The following EIPR1 variants were observed in gnomAD, a reference collection of about 807,000 sequenced individuals.
EIPR1 encodes the protein EARP and GARP complex-interacting protein 1.
A neutral mutation model predicts 48.1 loss-of-function variants in EIPR1; 25 were observed. The observed-to-expected ratio is 0.52, with a 90% confidence interval of 0.38 to 0.73. The LOEUF (loss-of-function observed/expected upper bound fraction) is 0.73, where lower values mean the gene tolerates loss of function less well. EIPR1 is among the 30% of genes least tolerant of loss of function. The pLI, the probability that EIPR1 is intolerant of heterozygous loss-of-function variation, is 0.00. For synonymous variants in EIPR1, 204 were observed against 201.9 expected, an observed-to-expected ratio of 1.01 and a Z score of -0.09; for missense variants, 415 against 506.2, an observed-to-expected ratio of 0.82 and a Z score of 1.73.
At chr2:3,349,916 G>A (rs1013657469) in intron 2 of EIPR1, among the ~76,000 whole-genome samples, 2 of 152,130 alleles carry the variant, frequency 1.3e-5, no homozygotes, top group African/African-American at 2.4e-5. Context: ...CTGAAGTCAG[G>A]AGTTTGAGAC....
At chr2:3,339,534 G>A (rs1185424756) in intron 2 of EIPR1, among the ~76,000 whole-genome samples, 1 of 152,168 alleles carries the variant, frequency 6.6e-6, no homozygotes, top group Non-Finnish European at 1.5e-5. Flanking sequence ...AGTGTCGGAC[G>A]TGAGGCCTGG....
chr2:3,360,003 G>A (rs1023251388), intron 1 of EIPR1, among the ~76,000 whole-genome samples: 9 of 152,168 alleles, frequency 5.9e-5, no homozygotes, highest in African/African-American at 2.2e-4. Flanking sequence ...GCTCTCTCAT[G>A]GTAAAGTAGG....
chr2:3,312,247 G>T lies in EIPR1; in HGVS notation c.259+25770C>A, dbSNP rs143366780. 2.8e-4 allele frequency among the ~76,000 whole-genome samples: 42 copies of T among 152,228 alleles called. No individual in the cohort carries two copies. In the East Asian group the frequency reaches 7.4e-3, roughly 27 times the overall value. ...GTCTGCTCTGCCTATGGCCACTGAG[G>T]CCGCATTCCGGGTGTGCTCTGACGT... On this transcript the variant is annotated intron_variant, in intron 3 of 8. Coordinates refer to ENST00000382125, the MANE Select transcript of EIPR1 (RefSeq NM_003310.5). The surrounding 1 kb of genome is among the most constrained non-coding windows in gnomAD (Gnocchi z 5.5).
At chr2:3,289,345 G>A (rs118169346) in intron 3 of EIPR1, among the ~76,000 whole-genome samples, 7 of 152,264 alleles carry the variant, frequency 4.6e-5, no homozygotes, top group East Asian at 1.9e-4. Flanking sequence ...AGGATGGGGC[G>A]TGTGACCCAG....
intron 2 of EIPR1, among the ~76,000 whole-genome samples, chr2:3,350,255 A>G (rs963361117): frequency 1.3e-5 from 2 of 152,174 alleles, no homozygotes; most frequent in African/African-American, 2.4e-5. Flanking sequence ...CTATCACAGC[A>G]GAAGGGTGAA....
chr2:3,193,343 TG>T (rs1277179880), intron 7 of EIPR1, among the ~76,000 whole-genome samples: 2 of 152,232 alleles, frequency 1.3e-5, no homozygotes, highest in Non-Finnish European at 2.9e-5. Flanking sequence ...CTCTTTGACT[TG>T]GGGAGGATTC....
chr2:3,375,455 T>C (rs1659844830), intron 1 of EIPR1, among the ~76,000 whole-genome samples: 1 of 152,176 alleles, frequency 6.6e-6, no homozygotes, highest in African/African-American at 2.4e-5. Context: ...ATACTGAAGA[T>C]AAAATCCTCT....
At chr2:3,194,310 G>C in intron 6 of EIPR1, 144 bp from the exon 7 acceptor site, 1 of 941,972 alleles carries the variant, frequency 1.1e-6, no homozygotes, top group Non-Finnish European at 1.6e-6. Flanking sequence ...TTCCTGCCCT[G>C]CAGGAAGAGG....
chr2:3,376,985 C>T (rs1401908007), intron 1 of EIPR1, among the ~76,000 whole-genome samples: 1 of 152,214 alleles, frequency 6.6e-6, no homozygotes, highest in East Asian at 1.9e-4. Flanking sequence ...CCTGAACTAC[C>T]ATGTGCATTG....
rs145580980 is a variant in EIPR1 at position 3,297,457 on chromosome 2, T to C, written c.260-40002A>G. Among the ~76,000 whole-genome samples the C allele has an allele frequency of 3.2e-3, 486 of 152,274 alleles. 4 individuals carry two copies. The highest frequency in any genetic ancestry group is 0.011 in the African/African-American group (470 of 41,556). ...AAATAAGGGCTGTAGATGAGCAGAT[T>C]TTCAAAGTCCCTTCTACAACGGAGT... On this transcript the variant is annotated intron_variant, in intron 3 of 8. Transcript: ENST00000382125.
chr2:3,294,482 C>G (rs1360767048), intron 3 of EIPR1, among the ~76,000 whole-genome samples: 1 of 140,222 alleles, frequency 7.1e-6, no homozygotes, highest in Non-Finnish European at 1.5e-5. Context: ...AGCCCATCCT[C>G]CCTACACACA....
chr2:3,192,297 AG>A (rs527375563), intron 8 of EIPR1, 116 bp downstream of exon 8: 17 of 1,232,060 alleles, frequency 1.4e-5, no homozygotes, highest in Non-Finnish European at 1.6e-5. Flanking sequence ...GGGTAAGGAG[AG>A]TGTCCCCCAA....
At chr2:3,281,352 C>T (rs1038752468) in intron 3 of EIPR1, among the ~76,000 whole-genome samples, 6 of 151,838 alleles carry the variant, frequency 4.0e-5, no homozygotes, top group African/African-American at 9.7e-5. Flanking sequence ...GAACATAGGG[C>T]GAGTTAGTGA....
chr2:3,199,590 G>T (rs1016397086), intron 5 of EIPR1, among the ~76,000 whole-genome samples: 2 of 152,174 alleles, frequency 1.3e-5, no homozygotes, highest in Non-Finnish European at 2.9e-5. Flanking sequence ...GGGGGACAGG[G>T]TACCCATGAC....
At chr2:3,328,553 G>A (rs1178509748) in intron 3 of EIPR1, among the ~76,000 whole-genome samples, 6 of 146,792 alleles carry the variant, frequency 4.1e-5, no homozygotes, top group African/African-American at 1.5e-4. Flanking sequence ...ATGATCTCAG[G>A]GTGCCAGCCT....
At chr2:3,374,174 A>G (rs1659793496) in intron 1 of EIPR1, among the ~76,000 whole-genome samples, 1 of 151,654 alleles carries the variant, frequency 6.6e-6, no homozygotes, top group South Asian at 2.1e-4. Flanking sequence ...CTGGCTAGCC[A>G]TATGTAGAAA....
At chr2:3,242,372 GCTGGAAGACAGAGATTTCAGGCCCCCGA>G (rs1465458218) in intron 4 of EIPR1, among the ~76,000 whole-genome samples, 2 of 85,806 alleles carry the variant, frequency 2.3e-5, no homozygotes, top group Non-Finnish European at 5.0e-5. Flanking sequence ...CCCACTGACG[GCTGGAAGACAGAGATTTCAGGCCCCCGA>G]CTCCACACCA....
chr2:3,377,308 A>T, intron 1 of EIPR1: 5 of 324,706 alleles, frequency 1.5e-5, no homozygotes, highest in Non-Finnish European at 2.8e-5. Flanking sequence ...ATTTTAAACA[A>T]CATACAGTTC....
intron 4 of EIPR1, among the ~76,000 whole-genome samples, chr2:3,242,684 A>G (rs1666674926): frequency 6.6e-6 from 1 of 152,232 alleles, no homozygotes; most frequent in South Asian, 2.1e-4. Context: ...TGTACTGAAG[A>G]AGGAGAAGCC....
Sources: gnomAD v4.1 joint callset for allele counts (sites outside exome capture counted in the v4.1 genomes callset) on GRCh38, gnomAD v4.1.1 for gene constraint, Gnocchi (gnomAD v3.1) non-coding constraint, MANE v1.5 for transcripts, NCBI Gene and HGNC (gene_info 2026-07-23, HGNC 2026-07-21) for gene names.